The following TRPA1 variants were observed in gnomAD, a reference collection of about 807,000 sequenced individuals.
TRPA1 encodes the protein transient receptor potential cation channel subfamily A member 1, also known as ankyrin-like with transmembrane domains 1.
In TRPA1, 129 loss-of-function variants were observed where a neutral mutation model predicts 131.3. That is an observed-to-expected ratio of 0.98 (90% CI 0.85 to 1.14). The LOEUF (loss-of-function observed/expected upper bound fraction) is 1.14, where lower values mean the gene tolerates loss of function less well. Ranked by LOEUF, TRPA1 falls within the 50% of genes most tolerant of loss-of-function variation. TRPA1 has a pLI of 0.00. For missense variants in TRPA1, 1,304 were observed against 1,354.2 expected, an observed-to-expected ratio of 0.96 and a Z score of 0.58; for synonymous variants, 441 against 451.7, an observed-to-expected ratio of 0.98 and a Z score of 0.30.
intron 16 of TRPA1, among the ~76,000 whole-genome samples, chr8:72,046,894 T>C (rs1805340553): frequency 6.6e-6 from 1 of 151,984 alleles, no homozygotes; most frequent in Non-Finnish European, 1.5e-5. Context: ...TCTTCATTAT[T>C]AAGGCACAAC....
chr8:72,040,066 G>T (rs1290820645), intron 17 of TRPA1, among the ~76,000 whole-genome samples: 1 of 151,972 alleles, frequency 6.6e-6, no homozygotes, highest in East Asian at 1.9e-4. Context: ...ATCTTATACA[G>T]GATTACAACA....
rs1805703068 is a variant in TRPA1, at chr8:72,057,649, C to T, written c.1093+68G>A. On this transcript the variant is annotated intron_variant, in intron 9 of 26. Coordinates refer to ENST00000262209, the MANE Select transcript of TRPA1 (RefSeq NM_007332.3). Reference sequence around the variant, plus strand: ...GCACACAATGAATGTTCATTTGGCACACAGTGAATGTTCATCCAACCAAAT... The same window carrying T: ...GCACACAATGAATGTTCATTTGGCATACAGTGAATGTTCATCCAACCAAAT... The T allele has an allele frequency of 8.6e-6, 10 of 1,158,612 alleles. No individual in the cohort carries two copies. In the South Asian group the frequency reaches 1.1e-4, roughly 13 times the overall value. The allele number at this position is 1,158,612 out of a possible 1,614,324, so 71.8% of individuals were successfully genotyped here. A position where few individuals can be genotyped will look rare whatever the true frequency, so the allele number is the denominator to read the frequency against.
Position 72,071,729 on chromosome 8 carries a change from TG to T in TRPA1, c.249del (p.Arg84GlufsTer23), listed in dbSNP as rs1480575830. The T allele has an allele frequency of 3.1e-6, 5 of 1,613,814 alleles. No homozygotes were observed. Among genetic ancestry groups the T allele is most frequent in the Non-Finnish European group, 4.2e-6 (5 of 1,179,840 alleles). On this transcript the variant is annotated frameshift_variant, in exon 2 of 27. Coordinates refer to ENST00000262209, the MANE Select transcript of TRPA1 (RefSeq NM_007332.3). LOFTEE classifies it high-confidence loss of function. ...EGQIELMEKI[T>X]RDSSLEVLHE... ...TTGTTACCTTCCAAAGAGGAATCTC[TG>T]GTGATCTTCTCCATTAGCTCAATTT...
chr8:72,084,121 T>G, the TRPA1 span, among the ~76,000 whole-genome samples: 1 of 152,156 alleles, frequency 6.6e-6, no homozygotes, highest in Non-Finnish European at 1.5e-5. Context: ...ACAGAACTGT[T>G]TAGGTTATAA....
chr8:72,076,357 G>T (rs1806185565), upstream of TRPA1, among the ~76,000 whole-genome samples: 1 of 152,082 alleles, frequency 6.6e-6, no homozygotes, highest in Admixed American at 6.5e-5. Context: ...AATCGAAGAG[G>T]CTGGTTCTAC....
rs1805540093 is a variant in TRPA1, at chr8:72,052,665, G to C, written c.1745C>G (p.Ser582Cys). The change falls in exon 14 of 27, where the codon TCC (serine) becomes TGC (cysteine). Residue 582 changes from serine to cysteine, a missense_variant. Ser to Cys is a moderately radical substitution (Grantham distance 112). Transcript: ENST00000262209. The stretch of plus-strand genomic sequence containing the variant: ...ATTGTGAAGTGCAAGGTGCAAAAAG[G>C]AGGCCTGCTGCTTGTTCAGGACTAT... ...ADIVLNKQQA[S>C]FLHLALHNKR... The C allele has an allele frequency of 6.2e-7, 1 of 1,613,800 alleles. No individual in the cohort carries two copies. Among genetic ancestry groups the C allele is most frequent in the East Asian group, 2.2e-5 (1 of 44,848 alleles).
At chr8:72,083,821 C>G in the TRPA1 span, among the ~76,000 whole-genome samples, 2 of 151,982 alleles carry the variant, frequency 1.3e-5, no homozygotes, top group African/African-American at 4.8e-5. Context: ...AATCTGTTTC[C>G]CATGTGGTTT....
At position 72,022,966 on chromosome 8, in the gene TRPA1, AT is replaced by A; in HGVS notation, c.3299del (p.Asn1100IlefsTer8). 2.5e-6 allele frequency: 4 copies of A among 1,613,888 alleles called. No individual in the cohort carries two copies. Among genetic ancestry groups the A allele is most frequent in the Non-Finnish European group, 3.4e-6 (4 of 1,179,858 alleles). ...CTCTCAACACAGTATTCCATCTGCT[AT>A]TCCTTTGTTCCATCTGCTCTTTCTT... The part of the protein sequence containing the change: ...RFKKEQMEQR[N>X]SRWNTVLRAV... On this transcript the variant is annotated frameshift_variant, in exon 27 of 27. Coordinates refer to ENST00000262209, the MANE Select transcript of TRPA1 (RefSeq NM_007332.3). LOFTEE classifies it high-confidence loss of function.
the TRPA1 span, among the ~76,000 whole-genome samples, chr8:72,088,768 A>T: frequency 6.6e-6 from 1 of 152,164 alleles, no homozygotes; most frequent in Non-Finnish European, 1.5e-5. Context: ...TGGTAATCAG[A>T]GAAACTTAAT....
upstream of TRPA1, among the ~76,000 whole-genome samples, chr8:72,080,045 AT>A (rs530105968): frequency 1.9e-3 from 293 of 152,042 alleles, 1 homozygote; most frequent in African/African-American, 6.9e-3. Context: ...ATTCTAGTAG[AT>A]TTTTAAGAGA....
chr8:72,066,454 T>G (rs917963902), intron 3 of TRPA1, among the ~76,000 whole-genome samples: 1 of 152,228 alleles, frequency 6.6e-6, no homozygotes, highest in Admixed American at 6.5e-5. Flanking sequence ...AATCAGCTGT[T>G]TCTTAAAAAT....
intron 7 of TRPA1, 150 bp downstream of exon 7, chr8:72,061,475 C>A: frequency 2.4e-6 from 2 of 840,970 alleles, no homozygotes; most frequent in Non-Finnish European, 3.8e-6. Context: ...TACGCGATTC[C>A]GGTTGATCCA....
chr8:72,075,660 G>C (rs13269625), upstream of TRPA1: 354,000 of 531,614 alleles, frequency 0.67, 121,303 homozygotes, highest in East Asian at 0.98. Flanking sequence ...GAAACGCGGA[G>C]CTCCTTCGCA....
chr8:72,060,455 T>A (rs1306166985), intron 7 of TRPA1: 3 of 152,152 alleles, frequency 2.0e-5, no homozygotes, highest in Non-Finnish European at 4.4e-5. Context: ...AGTCTATCTA[T>A]TGAGTTTTCA....
intron 25 of TRPA1, among the ~76,000 whole-genome samples, chr8:72,025,016 C>T (rs182164387): frequency 6.6e-6 from 1 of 152,128 alleles, no homozygotes; most frequent in Non-Finnish European, 1.5e-5. Context: ...CTTCATATGG[C>T]CCTTCTTCCA....
chr8:72,073,178 T>C (rs1298815103), intron 1 of TRPA1, among the ~76,000 whole-genome samples: 1 of 152,182 alleles, frequency 6.6e-6, no homozygotes, highest in Non-Finnish European at 1.5e-5. Context: ...ATCAAATACA[T>C]CTGTTTTAGG....
intron 13 of TRPA1, chr8:72,053,476 A>C: frequency 2.1e-6 from 1 of 465,462 alleles, no homozygotes; most frequent in Non-Finnish European, 4.0e-6. Flanking sequence ...TGGACCTACC[A>C]GGGAGTAAAC....
At chr8:72,078,609 T>C (rs1322860758), upstream of TRPA1, among the ~76,000 whole-genome samples, 2 of 152,118 alleles carry the variant, frequency 1.3e-5, no homozygotes, top group Non-Finnish European at 2.9e-5. Context: ...TATTGATCAA[T>C]AGTATTCCAT....
Position 72,047,110 on chromosome 8 carries a change from A to G in TRPA1, c.1965+38T>C, listed in dbSNP as rs746198317. The G allele has an allele frequency of 4.8e-6, 7 of 1,462,268 alleles. No homozygotes were observed. In the South Asian group the frequency reaches 8.1e-5, roughly 17 times the overall value. 90.6% of individuals were successfully genotyped at this position (1,462,268 alleles called of 1,614,324 possible). The stretch of plus-strand genomic sequence containing the variant: ...TTAATATTTTTCAAAGAATTATAAC[A>G]AAATAAATTTCAGATAATGATGATA... On this transcript the variant is annotated intron_variant, in intron 16 of 26. Coordinates refer to ENST00000262209, the MANE Select transcript of TRPA1 (RefSeq NM_007332.3).
Sources: gnomAD v4.1 joint callset for allele counts (sites outside exome capture counted in the v4.1 genomes callset) on GRCh38, gnomAD v4.1.1 for gene constraint, MANE v1.5 for transcripts, NCBI Gene and HGNC (gene_info 2026-07-23, HGNC 2026-07-21) for gene names.